GK: variants seen among roughly 807,000 people sequenced by gnomAD.
GK encodes the protein glycerol kinase, also known as ATP:glycerol 3-phosphotransferase.
In GK, 9 loss-of-function variants were observed where a neutral mutation model predicts 56.4. The ratio of observed to expected loss-of-function variants is 0.16; its 90% CI spans 0.10 to 0.28. GK has a LOEUF of 0.28. Ranked by LOEUF, GK falls within the 10% of genes least tolerant of loss-of-function variation. The pLI is 1.00. For synonymous variants in GK, 104 were observed against 144.1 expected, an observed-to-expected ratio of 0.72 and a Z score of 1.99; for missense variants, 161 against 431.4, an observed-to-expected ratio of 0.37 and a Z score of 5.55.
chrX:30,654,490 C>T (rs1476092522), intron 1 of GK, among the ~76,000 whole-genome samples: 1 of 111,848 alleles, frequency 8.9e-6, no homozygotes, highest in Non-Finnish European at 1.9e-5. Context: ...CACGTGTAAT[C>T]CCAACAGTTT....
chrX:30,664,702 CTTTTTTTTTT>C (rs35313243), intron 1 of GK, among the ~76,000 whole-genome samples: 1 of 57,675 alleles, frequency 1.7e-5, no homozygotes, highest in Non-Finnish European at 3.1e-5. Flanking sequence ...ACTCTATTGC[CTTTTTTTTTT>C]TTTTTTTTTT....
intron 13 of GK, among the ~76,000 whole-genome samples, chrX:30,713,473 T>A (rs1283716639): frequency 8.9e-6 from 1 of 111,897 alleles, no homozygotes; most frequent in African/African-American, 3.3e-5. Context: ...ATTTTTGAAG[T>A]ACAAACTCAT....
At chrX:30,700,475 C>G (rs370821550) in intron 10 of GK, 26 bp downstream of exon 10, 2 of 1,097,387 alleles carry the variant, frequency 1.8e-6, no homozygotes, top group Non-Finnish European at 1.3e-6. Context: ...AAGTGTCTCC[C>G]CATCCCCACC....
chrX:30,671,585 G>A (rs1933511117), intron 3 of GK: 1 of 111,972 alleles, frequency 8.9e-6, no homozygotes, highest in African/African-American at 3.2e-5. Context: ...CAGTCATTAA[G>A]AGTTCTTCAT....
At chrX:30,692,484 C>G (rs1047799733) in intron 5 of GK, among the ~76,000 whole-genome samples, 1 of 110,871 alleles carries the variant, frequency 9.0e-6, no homozygotes. Context: ...TATCTCCTTC[C>G]ATTTTTTTTT....
chrX:30,721,458 A>ATTT (rs35498618), intron 18 of GK: 4 of 93,786 alleles, frequency 4.3e-5, no homozygotes, highest in South Asian at 3.4e-4. Context: ...CGCCCGCCTA[A>ATTT]TTTTTTTTTT....
At chrX:30,662,482 T>A (rs1202229104) in intron 1 of GK, among the ~76,000 whole-genome samples, 9 of 111,417 alleles carry the variant, frequency 8.1e-5, no homozygotes, top group Non-Finnish European at 1.5e-4. Flanking sequence ...ATACAGCAAA[T>A]AGAATTTACC....
chrX:30,705,101 G>A (rs1443965049), intron 11 of GK, among the ~76,000 whole-genome samples: 1 of 112,480 alleles, frequency 8.9e-6, no homozygotes, highest in Non-Finnish European at 1.9e-5. Context: ...ACCAGAGAAT[G>A]TTTCTTTGGA....
intron 15 of GK, 55 bp downstream of exon 15, chrX:30,719,570 C>T (rs1231720240): frequency 1.2e-5 from 8 of 659,381 alleles, no homozygotes; most frequent in South Asian, 7.3e-5. Context: ...TTACCAAAGT[C>T]GTTAATAACT....
intron 11 of GK, among the ~76,000 whole-genome samples, chrX:30,701,683 C>T (rs73632543): frequency 9.8e-5 from 11 of 112,396 alleles, no homozygotes; most frequent in African/African-American, 3.5e-4. Flanking sequence ...CCTTTCCTGG[C>T]ATTGTGCTTT....
intron 13 of GK, 39 bp from the exon 14 acceptor site, chrX:30,718,499 A>G: frequency 1.1e-6 from 1 of 931,021 alleles, no homozygotes. Context: ...TTGGATAGTG[A>G]TAAAATATAT....
chrX:30,664,279 C>T (rs1184827582), intron 1 of GK, among the ~76,000 whole-genome samples: 5 of 102,763 alleles, frequency 4.9e-5, no homozygotes, highest in Non-Finnish European at 9.8e-5. Flanking sequence ...CCGCAACCTC[C>T]GCCTCCTGGG....
chrX:30,705,525 C>CTGGGCTGCTCAGTCCTGATCTGATAGTCA (rs1326357478), intron 11 of GK, among the ~76,000 whole-genome samples: 5 of 112,415 alleles, frequency 4.4e-5, no homozygotes, highest in Non-Finnish European at 7.5e-5. Context: ...TCACACCTCT[C>CTGGGCTGCTCAGTCCTGATCTGATAGTCA]TGGGCTGCTC....
Position 30,706,898 on chromosome X carries a change from A to T in GK, c.852-658A>T, listed in dbSNP as rs111615024. Among the ~76,000 whole-genome samples the T allele has an allele frequency of 8.0e-3, 892 of 112,095 alleles. 1 individual carries two copies. The highest frequency in any genetic ancestry group is 0.012 in the Non-Finnish European group (641 of 53,255). ...AGAGCTAAGCTGGCTGTCAGTCATGATGCTTCACTCCACATGGATTAGTAG... is the reference window on the plus strand; with the variant it reads ...AGAGCTAAGCTGGCTGTCAGTCATGTTGCTTCACTCCACATGGATTAGTAG... On this transcript the variant is annotated intron_variant, in intron 11 of 20. Coordinates refer to ENST00000427190, the MANE Select transcript of GK (RefSeq NM_001205019.2).
In GK at chrX:30,691,181, AAAT is replaced by A; in HGVS notation, c.402_404del (p.Asn135del). 1 of 1,123,956 alleles carries A rather than the reference AAAT, an allele frequency of 8.9e-7. No homozygotes were observed. 92.6% of individuals were successfully genotyped at this position (1,123,956 alleles called of 1,213,427 possible). ...AGAGTCTTAGTAAAAGAATTCCAGGAAATAATAACTTTGTCAAGGTAAGAATTT... is the reference window on the plus strand; with the variant it reads ...AGAGTCTTAGTAAAAGAATTCCAGGAAATAACTTTGTCAAGGTAAGAATTT... On this transcript the variant is annotated inframe_deletion, in exon 5 of 21. Transcript: ENST00000427190.
chrX:30,710,754 G>T (rs920334256), intron 13 of GK, among the ~76,000 whole-genome samples: 6 of 110,973 alleles, frequency 5.4e-5, no homozygotes, highest in African/African-American at 1.6e-4. Flanking sequence ...TGCTGATTTG[G>T]GAACAATAAG....
At chrX:30,675,362 AT>A (rs1221336154) in intron 3 of GK, among the ~76,000 whole-genome samples, 2 of 105,858 alleles carry the variant, frequency 1.9e-5, no homozygotes, top group African/African-American at 6.9e-5. Context: ...CACCCGGCTA[AT>A]TTTTTTTGTA....
chrX:30,695,212 A>G, intron 6 of GK: 1 of 839,556 alleles, frequency 1.2e-6, no homozygotes, highest in South Asian at 2.9e-5. Context: ...ACAGATCCAC[A>G]GAGCAGGTCT....
intron 7 of GK, 96 bp from the exon 8 acceptor site, chrX:30,696,521 T>C (rs1935245509): frequency 1.6e-6 from 1 of 640,470 alleles, no homozygotes; most frequent in African/African-American, 2.2e-5. Flanking sequence ...CATCCATTTC[T>C]AATTGTTATT....
Sources: allele counts gnomAD v4.1 joint callset (sites outside exome capture counted in the v4.1 genomes callset), GRCh38; gene constraint gnomAD v4.1.1; transcripts MANE v1.5; gene names NCBI Gene and HGNC (gene_info 2026-07-23, HGNC 2026-07-21).